CDH15: variants seen among roughly 807,000 people sequenced by gnomAD.
CDH15 encodes the protein cadherin 15.
In CDH15, 73 loss-of-function variants were observed where a neutral mutation model predicts 69.4. That is an observed-to-expected ratio of 1.05 (90% confidence interval 0.87 to 1.28). The LOEUF (loss-of-function observed/expected upper bound fraction) is 1.28. Among genes scored for constraint, CDH15 ranks in the 50% most tolerant of loss-of-function variants. The pLI is 0.00. For synonymous variants in CDH15, 624 were observed against 507.7 expected (o/e 1.23, Z -3.08); for missense variants, 1,343 against 1,133.6 (o/e 1.18, Z -2.65).
In CDH15 at chr16:89,194,939, C is replaced by A; in HGVS notation, c.2229C>A (p.Gly743=). 1 of 1,608,688 alleles carries A rather than the reference C, an allele frequency of 6.2e-7. No individual in the cohort carries two copies. The highest frequency in any genetic ancestry group is 8.5e-7 in the Non-Finnish European group (1 of 1,178,092). Residue 743 remains glycine, a synonymous_variant, in exon 14 of 14, where the codon GGC becomes GGA. Transcript: ENST00000289746. ...TCATCTATGACTACGAGGGTGACGG[C>A]TCGGTGGCGGGGACGCTGAGCTCCA... The part of the protein sequence containing the change: ...TALIYDYEGD[G]SVAGTLSSIL...
chr16:89,185,401 G>A (rs2151601030), intron 5 of CDH15, 68 bp downstream of exon 5: 3 of 1,507,364 alleles, frequency 2.0e-6, no homozygotes, highest in South Asian at 1.2e-5. Flanking sequence ...GGGTCCCTCT[G>A]CCCCCAGCCT....
At chr16:89,188,470 CCACACACAGATGCCGG>C (rs1567774845) in intron 7 of CDH15, among the ~76,000 whole-genome samples, 185 bp downstream of exon 7, 27 of 132,888 alleles carry the variant, frequency 2.0e-4, no homozygotes, top group African/African-American at 3.4e-4. Flanking sequence ...ACACAGATGC[CCACACACAGATGCCGG>C]CACACACAGA....
At chr16:89,187,963 A>C (rs1915526875) in intron 6 of CDH15, 137 bp from the exon 7 acceptor site, 2 of 791,056 alleles carry the variant, frequency 2.5e-6, no homozygotes, top group Non-Finnish European at 4.0e-6. Flanking sequence ...AGCAGCTTCG[A>C]CAGGAGCAAG....
chr16:89,185,137 TG>T, intron 4 of CDH15, 35 bp from the exon 5 acceptor site: 5 of 1,561,910 alleles, frequency 3.2e-6, no homozygotes, highest in Non-Finnish European at 3.5e-6. Context: ...ATCGGCCCTG[TG>T]GACGTTGGCC....
Position 89,180,972 on chromosome 16 carries a change from A to T in CDH15, c.357+617A>T, listed in dbSNP as rs1427056626. Among the ~76,000 whole-genome samples, 8 of 69,850 alleles carry T rather than the reference A, an allele frequency of 1.1e-4. No individual in the cohort carries two copies. The East Asian group carries it at 0.015, about 129-fold the overall frequency. 45.8% of individuals were successfully genotyped at this position (69,850 alleles called of 152,430 possible). ...TCTCCTGAGTGAGCCACCGCGCCCG[A>T]CCTTTTTTTTTTTTTGAGATGGAGC... On this transcript the variant is annotated intron_variant, in intron 3 of 13. Transcript: ENST00000289746.
At chr16:89,191,581 G>C (rs994932412) in intron 9 of CDH15, 74 bp from the exon 10 acceptor site, 3 of 1,575,270 alleles carry the variant, frequency 1.9e-6, no homozygotes, top group African/African-American at 1.4e-5. Flanking sequence ...TCAGAGCTGC[G>C]CACCCGCTCT....
intron 10 of CDH15, 89 bp from the exon 11 acceptor site, chr16:89,192,116 G>C: frequency 7.0e-7 from 1 of 1,437,862 alleles, no homozygotes; most frequent in Non-Finnish European, 9.2e-7. Flanking sequence ...CCAGGATCTC[G>C]GGATCCCCAC....
chr16:89,183,506 T>C, intron 3 of CDH15, 42 bp from the exon 4 acceptor site: 1 of 1,613,252 alleles, frequency 6.2e-7, no homozygotes, highest in Non-Finnish European at 8.5e-7. Flanking sequence ...GCCACAGAAA[T>C]TTGGGGGCCA....
At chr16:89,191,995 C>T in intron 10 of CDH15, 101 bp downstream of exon 10, 1 of 1,272,222 alleles carries the variant, frequency 7.9e-7, no homozygotes, top group Admixed American at 2.1e-5. Context: ...CATGCAAACC[C>T]GTGGTCCTGC....
intron 3 of CDH15, chr16:89,183,323 A>G (rs991611140): frequency 9.0e-6 from 5 of 555,988 alleles, no homozygotes; most frequent in African/African-American, 1.9e-5. Flanking sequence ...CAAGGCAAGC[A>G]GGGAAAGTGG....
chr16:89,188,025 C>T, intron 6 of CDH15, 75 bp from the exon 7 acceptor site: 1 of 1,346,112 alleles, frequency 7.4e-7, no homozygotes, highest in African/African-American at 1.4e-5. Context: ...GGAGGGTGGG[C>T]TGAGGGCCCT....
rs367929268 is a variant in CDH15, at chr16:89,191,636, G to T, written c.1376-19G>T. On this transcript the variant is annotated intron_variant, in intron 9 of 13. Coordinates refer to ENST00000289746, the MANE Select transcript of CDH15 (RefSeq NM_004933.3). ...GCTGGGGTGTTGGGGTCACTAAGCC[G>T]CGGCCTCCTCGCCTGCAGCCTCCCA... 94 of 1,573,288 alleles carry T rather than the reference G, an allele frequency of 6.0e-5. No individual in the cohort carries two copies. In the African/African-American group the frequency reaches 7.7e-4, roughly 13 times the overall value.
At position 89,194,870 on chromosome 16, in the gene CDH15, G is replaced by A. The variant is rs368496619; in HGVS notation, c.2160G>A (p.Glu720=). The A allele has an allele frequency of 3.1e-6, 5 of 1,604,226 alleles. No homozygotes were observed. In the African/African-American group the frequency reaches 6.7e-5, roughly 21 times the overall value. Reference sequence around the variant, plus strand: ...TCCGGGCCTCTTTATAGGGCTTGGAGGCTGCAGATAGTGACCCCAGTGTGC... The same window carrying A: ...TCCGGGCCTCTTTATAGGGCTTGGAAGCTGCAGATAGTGACCCCAGTGTGC... The part of the protein sequence containing the change: ...DIADFINDGL[E]AADSDPSVPP... Residue 720 remains glutamate, a synonymous_variant, in exon 14 of 14, where the codon GAG becomes GAA. Transcript: ENST00000289746.
chr16:89,175,365 C>T (rs746972103), intron 1 of CDH15, among the ~76,000 whole-genome samples: 57 of 152,202 alleles, frequency 3.7e-4, no homozygotes, highest in Non-Finnish European at 1.3e-4. Flanking sequence ...CCATGCCTAG[C>T]CCAAGGCCGG....
chr16:89,177,864 C>G (rs2151598352), intron 1 of CDH15, among the ~76,000 whole-genome samples: 1 of 152,230 alleles, frequency 6.6e-6, no homozygotes, highest in East Asian at 1.9e-4. Flanking sequence ...AGCCATGCAG[C>G]CCACCCAGAA....
At position 89,195,078 on chromosome 16, in the gene CDH15, G is replaced by A. The variant is rs768640399; in HGVS notation, c.2368G>A (p.Ala790Thr). Residue 790 changes from alanine to threonine, a missense_variant, in exon 14 of 14, where the codon GCC becomes ACC. Coordinates refer to ENST00000289746, the MANE Select transcript of CDH15 (RefSeq NM_004933.3). ...GCACCCGTGCGGGTTGGAGTACGGG[G>A]CCAGATGGGACCACCAGGCCAGGGA... ...YGHPCGLEYG[A>T]RWDHQAREGL... The A allele has an allele frequency of 8.1e-6, 13 of 1,612,088 alleles. No individual in the cohort carries two copies. Among genetic ancestry groups the A allele is most frequent in the Admixed American group, 6.7e-5 (4 of 60,000 alleles).
intron 13 of CDH15, 134 bp from the exon 14 acceptor site, chr16:89,194,728 C>T: frequency 1.1e-6 from 1 of 872,852 alleles, no homozygotes; most frequent in Non-Finnish European, 1.8e-6. Flanking sequence ...CCCCTCAGAC[C>T]TCGCCCCCGG....
At chr16:89,190,076 C>T (rs1423678651) in intron 7 of CDH15, among the ~76,000 whole-genome samples, 167 bp from the exon 8 acceptor site, 1 of 152,240 alleles carries the variant, frequency 6.6e-6, no homozygotes, top group Non-Finnish European at 1.5e-5. Context: ...TAATAATATT[C>T]TTTGTGCCTT....
intron 1 of CDH15, among the ~76,000 whole-genome samples, 160 bp from the exon 2 acceptor site, chr16:89,179,256 C>T (rs771562225): frequency 6.6e-6 from 1 of 152,222 alleles, no homozygotes; most frequent in Non-Finnish European, 1.5e-5. Context: ...TGCTACGCAG[C>T]CCCGTGTGTG....
Sources: allele counts gnomAD v4.1 joint callset (sites outside exome capture counted in the v4.1 genomes callset), GRCh38; gene constraint gnomAD v4.1.1; transcripts MANE v1.5; gene names NCBI Gene and HGNC (gene_info 2026-07-23, HGNC 2026-07-21).